CCDC85A: variants seen among roughly 807,000 people sequenced by gnomAD.
The protein encoded by CCDC85A is coiled-coil domain-containing protein 85A.
A neutral mutation model predicts 50.2 loss-of-function variants in CCDC85A; 38 were observed. The observed-to-expected ratio is 0.76, with a 90% CI of 0.58 to 0.99. CCDC85A has a LOEUF of 0.99. Ranked by LOEUF, CCDC85A falls within the 50% of genes least tolerant of loss-of-function variation. The pLI is 0.00. For missense variants in CCDC85A, 820 were observed against 742.0 expected (o/e 1.11, Z -1.22); for synonymous variants, 366 against 301.4 (o/e 1.21, Z -2.22).
intron 3 of CCDC85A, among the ~76,000 whole-genome samples, chr2:56,359,859 G>T (rs1195298879): frequency 6.6e-6 from 1 of 152,204 alleles, no homozygotes; most frequent in African/African-American, 2.4e-5. Flanking sequence ...GAAAGGTGAA[G>T]GTGTTTTAGT....
intron 2 of CCDC85A, among the ~76,000 whole-genome samples, chr2:56,233,995 A>G (rs1393944172): frequency 6.6e-6 from 1 of 152,186 alleles, no homozygotes; most frequent in Admixed American, 6.5e-5. Context: ...CATAATTTTC[A>G]AACTTTTTGA....
chr2:56,191,943 C>G (rs1573001537), intron 1 of CCDC85A, among the ~76,000 whole-genome samples: 1 of 152,148 alleles, frequency 6.6e-6, no homozygotes, highest in Non-Finnish European at 1.5e-5. Context: ...TCACAGGTCA[C>G]AAGCAGTTAT....
chr2:56,209,592 A>G (rs536428697), intron 2 of CCDC85A, among the ~76,000 whole-genome samples: 1 of 152,082 alleles, frequency 6.6e-6, no homozygotes, highest in Admixed American at 6.6e-5. Flanking sequence ...ATAGGTCTGC[A>G]TTGGTAGTAG....
intron 2 of CCDC85A, among the ~76,000 whole-genome samples, chr2:56,327,671 A>G (rs1673544333): frequency 6.6e-6 from 1 of 152,034 alleles, no homozygotes; most frequent in Non-Finnish European, 1.5e-5. Flanking sequence ...TCACCCACTT[A>G]GTATGCCCCA....
chr2:56,349,448 TA>T (rs1484520345), intron 3 of CCDC85A, among the ~76,000 whole-genome samples: 5 of 152,040 alleles, frequency 3.3e-5, no homozygotes, highest in Admixed American at 3.3e-4. Context: ...AAAACCTAAA[TA>T]AATGGAAACT....
At chr2:56,355,619 G>C (rs1196006969) in intron 3 of CCDC85A, among the ~76,000 whole-genome samples, 1 of 152,044 alleles carries the variant, frequency 6.6e-6, no homozygotes, top group Non-Finnish European at 1.5e-5. Context: ...TCGTAAAAAA[G>C]AGAAAAATAA....
At position 56,283,096 on chromosome 2, in the gene CCDC85A, TAA is replaced by T. The variant is rs369684277; in HGVS notation, c.1241-59781_1241-59780del. On this transcript the variant is annotated intron_variant, in intron 2 of 5. Transcript: ENST00000407595. Reference sequence around the variant, plus strand: ...ATGTAAACAATCATGTATCTGCAAATAAAGACAGTTTTACTTCTTACTTTCCA... The same window carrying T: ...ATGTAAACAATCATGTATCTGCAAATAGACAGTTTTACTTCTTACTTTCCA... Among the ~76,000 whole-genome samples, 1,146 of 152,304 alleles carry T rather than the reference TAA, an allele frequency of 7.5e-3. 11 individuals carry two copies. Among genetic ancestry groups the T allele is most frequent in the African/African-American group, 0.026 (1,101 of 41,570 alleles).
At chr2:56,274,747 C>T (rs888990327) in intron 2 of CCDC85A, among the ~76,000 whole-genome samples, 6 of 152,152 alleles carry the variant, frequency 3.9e-5, no homozygotes, top group African/African-American at 1.2e-4. Flanking sequence ...TCTTAGTCTG[C>T]TCTGGTTGCC....
intron 2 of CCDC85A, among the ~76,000 whole-genome samples, chr2:56,311,154 A>C (rs1236441499): frequency 6.6e-6 from 1 of 152,114 alleles, no homozygotes; most frequent in Non-Finnish European, 1.5e-5. Flanking sequence ...ATTCTTTAGA[A>C]TTCTTGGTTC....
At chr2:56,203,254 C>T (rs1020406603) in intron 2 of CCDC85A, among the ~76,000 whole-genome samples, 1 of 152,076 alleles carries the variant, frequency 6.6e-6, no homozygotes, top group African/African-American at 2.4e-5. Context: ...TAGGAATAAA[C>T]GTTATCCAGG....
intron 2 of CCDC85A, among the ~76,000 whole-genome samples, chr2:56,273,485 T>C (rs185003436): frequency 6.6e-6 from 1 of 152,064 alleles, no homozygotes; most frequent in Non-Finnish European, 1.5e-5. Flanking sequence ...GGACAATGCC[T>C]TTAAAACTGA....
chr2:56,235,876 G>A (rs961722216), intron 2 of CCDC85A, among the ~76,000 whole-genome samples: 1 of 152,218 alleles, frequency 6.6e-6, no homozygotes, highest in Admixed American at 6.5e-5. Context: ...GGACAAGACA[G>A]ATTCTCTTCT....
chr2:56,350,413 A>G (rs1310488722), intron 3 of CCDC85A, among the ~76,000 whole-genome samples: 1 of 152,218 alleles, frequency 6.6e-6, no homozygotes, highest in African/African-American at 2.4e-5. Context: ...TCTACTAAAA[A>G]TACAAAAATT....
chr2:56,320,511 C>T (rs995126337), intron 2 of CCDC85A, among the ~76,000 whole-genome samples: 1 of 152,126 alleles, frequency 6.6e-6, no homozygotes, highest in African/African-American at 2.4e-5. Flanking sequence ...ACTATAAACA[C>T]CTCTACACAA....
chr2:56,362,248 A>G (rs573362446), intron 3 of CCDC85A, among the ~76,000 whole-genome samples: 10 of 152,212 alleles, frequency 6.6e-5, no homozygotes, highest in African/African-American at 1.9e-4. Context: ...GTTTACTGAG[A>G]TAGGCAAGAC....
chr2:56,361,815 A>G (rs1423007310), intron 3 of CCDC85A, among the ~76,000 whole-genome samples: 1 of 152,160 alleles, frequency 6.6e-6, no homozygotes, highest in African/African-American at 2.4e-5. Flanking sequence ...TTGGGCAGGG[A>G]TGTGATATCA....
chr2:56,284,578 G>T (rs1671346332), intron 2 of CCDC85A, among the ~76,000 whole-genome samples: 1 of 152,068 alleles, frequency 6.6e-6, no homozygotes, highest in Non-Finnish European at 1.5e-5. Context: ...TCACCATGTT[G>T]GCCAGGCTGG....
intron 2 of CCDC85A, among the ~76,000 whole-genome samples, chr2:56,197,439 C>G (rs1676571815): frequency 6.6e-6 from 1 of 152,128 alleles, no homozygotes; most frequent in Non-Finnish European, 1.5e-5. Flanking sequence ...GGTTTTCAAT[C>G]TAGCTGCAGA....
At chr2:56,201,363 C>T (rs1676740485) in intron 2 of CCDC85A, among the ~76,000 whole-genome samples, 1 of 152,080 alleles carries the variant, frequency 6.6e-6, no homozygotes, top group Non-Finnish European at 1.5e-5. Context: ...GAAGACTAGG[C>T]ATTTGAAAGT....
Sources: allele counts gnomAD v4.1 joint callset (sites outside exome capture counted in the v4.1 genomes callset), GRCh38; gene constraint gnomAD v4.1.1; transcripts MANE v1.5; gene names NCBI Gene and HGNC (gene_info 2026-07-23, HGNC 2026-07-21).